DECR1: variants seen among roughly 807,000 people sequenced by gnomAD.
The protein encoded by DECR1 is 2,4-dienoyl-CoA reductase [(3E)-enoyl-CoA-producing], mitochondrial.
In DECR1, 44 loss-of-function variants were observed where a neutral mutation model predicts 38.8. The observed-to-expected ratio is 1.13, with a 90% CI of 0.89 to 1.46. The LOEUF (loss-of-function observed/expected upper bound fraction) is 1.46. Among genes scored for constraint, DECR1 ranks in the 40% most tolerant of loss-of-function variants. The pLI is 0.00. For missense variants in DECR1, 428 were observed against 405.5 expected, an observed-to-expected ratio of 1.06 and a Z score of -0.48; for synonymous variants, 148 against 135.2, an observed-to-expected ratio of 1.09 and a Z score of -0.66.
At chr8:90,031,603 A>G (rs1031068237) in intron 5 of DECR1, among the ~76,000 whole-genome samples, 1 of 152,114 alleles carries the variant, frequency 6.6e-6, no homozygotes, top group African/African-American at 2.4e-5. Flanking sequence ...CTTTTAGAGA[A>G]TTAAGGATTT....
At chr8:90,034,551 A>G (rs1394949928) in intron 5 of DECR1, among the ~76,000 whole-genome samples, 1 of 152,048 alleles carries the variant, frequency 6.6e-6, no homozygotes, top group Non-Finnish European at 1.5e-5. Context: ...TCCTGGGTTC[A>G]AGTGATTCTC....
chr8:90,049,265 A>G (rs1369571041), intron 8 of DECR1, among the ~76,000 whole-genome samples: 1 of 152,224 alleles, frequency 6.6e-6, no homozygotes, highest in Admixed American at 6.5e-5. Context: ...ACATGATTGT[A>G]TATTTAGAAA....
intron 1 of DECR1, among the ~76,000 whole-genome samples, chr8:90,008,823 G>T (rs1812809500): frequency 6.6e-6 from 1 of 152,188 alleles, no homozygotes; most frequent in South Asian, 2.1e-4. Flanking sequence ...AGGTACAGTG[G>T]TGACTCATTA....
At chr8:90,009,487 T>C (rs753073849) in intron 1 of DECR1, among the ~76,000 whole-genome samples, 7 of 148,356 alleles carry the variant, frequency 4.7e-5, no homozygotes, top group Admixed American at 3.3e-4. Context: ...TTGCTGAGAA[T>C]AGAATATTGT....
chr8:90,017,847 C>G (rs1027457908), intron 2 of DECR1, among the ~76,000 whole-genome samples: 1 of 152,078 alleles, frequency 6.6e-6, no homozygotes, highest in Non-Finnish European at 1.5e-5. Flanking sequence ...AATAATTAAC[C>G]TTATACCAGG....
intron 1 of DECR1, chr8:90,006,367 G>T (rs1812740389): frequency 1.4e-6 from 1 of 702,108 alleles, no homozygotes; most frequent in Admixed American, 2.0e-5. Context: ...AGGGAGAGAT[G>T]TAAGAATGTT....
chr8:90,018,820 G>T, intron 2 of DECR1, 89 bp from the exon 3 acceptor site: 1 of 1,014,788 alleles, frequency 9.9e-7, no homozygotes, highest in Non-Finnish European at 1.5e-6. Context: ...TCTCAGAAAT[G>T]CTTTTCTTTA....
At chr8:90,015,248 C>A (rs1297670621) in intron 1 of DECR1, among the ~76,000 whole-genome samples, 1 of 152,106 alleles carries the variant, frequency 6.6e-6, no homozygotes. Context: ...CAGACAGATA[C>A]TGGATTTAAG....
intron 5 of DECR1, among the ~76,000 whole-genome samples, chr8:90,032,615 T>C (rs908839131): frequency 3.9e-5 from 6 of 152,190 alleles, no homozygotes; most frequent in Admixed American, 6.6e-5. Flanking sequence ...ATATTTCTTA[T>C]CTTGTTAGAA....
intron 6 of DECR1, among the ~76,000 whole-genome samples, chr8:90,039,872 A>G (rs927917249): frequency 6.6e-6 from 1 of 152,228 alleles, no homozygotes; most frequent in African/African-American, 2.4e-5. Flanking sequence ...TATTTATAGT[A>G]TTGACACATG....
At chr8:90,022,498 GT>G (rs369291117) in intron 5 of DECR1, among the ~76,000 whole-genome samples, 9 of 149,082 alleles carry the variant, frequency 6.0e-5, no homozygotes, top group East Asian at 3.9e-4. Flanking sequence ...TTTATTTGAT[GT>G]TTTTTTTTTC....
rs899567944 is a variant in DECR1 at position 90,017,294 on chromosome 8, C to T, written c.240C>T (p.Ser80=). Residue 80 remains serine (S), a synonymous_variant, in exon 2 of 10, where the codon TCC becomes TCT. Transcript: ENST00000220764. ...GLGKGMTTLL[S]SLGAQCVIAS... ...GTAAAGGAATGACAACTCTTCTGTC[C>T]AGCCTAGGTGCTCAGTGCGTGATAG... 3 of 1,614,064 alleles carry T rather than the reference C, an allele frequency of 1.9e-6. No homozygotes were observed. Among genetic ancestry groups the T allele is most frequent in the African/African-American group, 1.3e-5 (1 of 74,916 alleles).
At chr8:90,040,507 G>C (rs986153572) in intron 6 of DECR1, among the ~76,000 whole-genome samples, 3 of 152,134 alleles carry the variant, frequency 2.0e-5, no homozygotes, top group Non-Finnish European at 4.4e-5. Context: ...TAAGTTCTGG[G>C]ATACATGTGC....
At chr8:90,002,644 C>T (rs994790152) in intron 1 of DECR1, among the ~76,000 whole-genome samples, 1 of 152,096 alleles carries the variant, frequency 6.6e-6, no homozygotes, top group Non-Finnish European at 1.5e-5. Context: ...GAATAGACAG[C>T]CATGGTGTTG....
chr8:90,030,986 G>C (rs1008786494), intron 5 of DECR1, among the ~76,000 whole-genome samples: 1 of 152,046 alleles, frequency 6.6e-6, no homozygotes, highest in Admixed American at 6.6e-5. Flanking sequence ...ATAAGGTAAA[G>C]GTAAAGCGAT....
At chr8:90,030,823 A>T (rs1263998028) in intron 5 of DECR1, among the ~76,000 whole-genome samples, 1 of 152,146 alleles carries the variant, frequency 6.6e-6, no homozygotes, top group Non-Finnish European at 1.5e-5. Context: ...TTGAAAACAC[A>T]TTTTTAGTTA....
intron 8 of DECR1, among the ~76,000 whole-genome samples, chr8:90,049,911 A>G (rs1651282087): frequency 6.6e-6 from 1 of 152,216 alleles, no homozygotes; most frequent in Non-Finnish European, 1.5e-5. Context: ...AGCCTGACAA[A>G]TACAAGAAAT....
At position 90,051,941 on chromosome 8, in the gene DECR1, A is replaced by G; in HGVS notation, c.*44A>G. Reference sequence around the variant, plus strand: ...CTTGGTTACAGAAAAGGGAATAGAAATGAAACAAATTATCTCTCATCTTTT... The same window carrying G: ...CTTGGTTACAGAAAAGGGAATAGAAGTGAAACAAATTATCTCTCATCTTTT... On this transcript the variant is annotated 3_prime_UTR_variant, in exon 10 of 10. Transcript: ENST00000220764. 3.3e-6 allele frequency: 5 copies of G among 1,502,638 alleles called. No homozygotes were observed. The highest frequency in any genetic ancestry group is 4.6e-6 in the Non-Finnish European group (5 of 1,083,494). The allele number at this position is 1,502,638 out of a possible 1,614,324, so 93.1% of individuals were successfully genotyped here.
chr8:90,010,648 C>G, intron 1 of DECR1, among the ~76,000 whole-genome samples: 1 of 152,164 alleles, frequency 6.6e-6, no homozygotes, highest in East Asian at 1.9e-4. Context: ...AGGGCCCAGT[C>G]TGCAAAACTC....
Sources: gnomAD v4.1 joint callset for allele counts (sites outside exome capture counted in the v4.1 genomes callset) on GRCh38, gnomAD v4.1.1 for gene constraint, MANE v1.5 for transcripts, NCBI Gene and HGNC (gene_info 2026-07-23, HGNC 2026-07-21) for gene names.